DCAF6: variants seen among roughly 807,000 people sequenced by gnomAD.
DCAF6 encodes DDB1 and CUL4 associated factor 6.
In DCAF6, 54 loss-of-function variants were observed where a neutral mutation model predicts 125.1. The observed-to-expected ratio is 0.43, with a 90% CI of 0.35 to 0.54. The LOEUF (loss-of-function observed/expected upper bound fraction) is 0.54, where lower values mean the gene tolerates loss of function less well. DCAF6 is among the 20% of genes least tolerant of loss of function. DCAF6 has a pLI of 0.01. For missense variants in DCAF6, 934 were observed against 1,161.7 expected (o/e 0.80, Z 2.85); for synonymous variants, 371 against 390.4 (o/e 0.95, Z 0.58).
At chr1:167,897,031 T>C in the DCAF6 span, among the ~76,000 whole-genome samples, 8 of 152,196 alleles carry the variant, frequency 5.3e-5, no homozygotes, top group African/African-American at 1.9e-4. Flanking sequence ...CTGCACACCA[T>C]TTCTTCCTTA....
the DCAF6 span, among the ~76,000 whole-genome samples, chr1:167,929,298 G>A: frequency 6.6e-6 from 1 of 152,096 alleles, no homozygotes; most frequent in Non-Finnish European, 1.5e-5. Flanking sequence ...GGCAGAGGTT[G>A]CAGTGAGCCG....
chr1:167,966,791 G>A, intron 3 of DCAF6, 70 bp downstream of exon 3: 1 of 952,420 alleles, frequency 1.0e-6, no homozygotes, highest in Admixed American at 2.1e-5. Flanking sequence ...TGAAGAAACT[G>A]TGAACAGTCA....
chr1:167,976,092 A>G (rs1044906671), intron 4 of DCAF6, among the ~76,000 whole-genome samples: 6 of 152,132 alleles, frequency 3.9e-5, no homozygotes, highest in African/African-American at 1.2e-4. Flanking sequence ...GTTCTGATAT[A>G]TTTGGATTTG....
chr1:167,933,531 C>T (rs929520063), upstream of DCAF6, among the ~76,000 whole-genome samples: 5 of 152,168 alleles, frequency 3.3e-5, no homozygotes, highest in Admixed American at 3.3e-4. Context: ...TCTCAAAAAT[C>T]TAGAATCAGC....
the DCAF6 span, among the ~76,000 whole-genome samples, chr1:167,895,298 G>A: frequency 1.3e-5 from 2 of 152,062 alleles, no homozygotes; most frequent in Admixed American, 1.3e-4. Context: ...TAAAGCTCAA[G>A]GAGTGGGTAA....
the DCAF6 span, among the ~76,000 whole-genome samples, chr1:167,888,764 T>A: frequency 6.7e-6 from 1 of 149,514 alleles, no homozygotes; most frequent in African/African-American, 2.5e-5. Context: ...TGGTCCCAGC[T>A]ACTCAGGAGG....
At chr1:168,015,244 T>G (rs1386997012) in intron 10 of DCAF6, among the ~76,000 whole-genome samples, 1 of 152,216 alleles carries the variant, frequency 6.6e-6, no homozygotes, top group Non-Finnish European at 1.5e-5. Context: ...CTTAAAAAAT[T>G]TTTTAAAATG....
At chr1:167,949,726 G>A (rs1673633897) in intron 1 of DCAF6, among the ~76,000 whole-genome samples, 1 of 152,136 alleles carries the variant, frequency 6.6e-6, no homozygotes, top group Non-Finnish European at 1.5e-5. Context: ...AGTCCAATTG[G>A]TTACCTTGCA....
At chr1:167,883,579 G>A in the DCAF6 span, 15 of 1,614,072 alleles carry the variant, frequency 9.3e-6, no homozygotes, top group South Asian at 2.2e-5. Flanking sequence ...AAACACAATC[G>A]TCACTGGGCG....
chr1:167,943,445 G>A (rs1419577180), intron 1 of DCAF6, among the ~76,000 whole-genome samples: 1 of 152,066 alleles, frequency 6.6e-6, no homozygotes, highest in Non-Finnish European at 1.5e-5. Flanking sequence ...GCAGTGATTT[G>A]TATTTTTTGG....
the DCAF6 span, among the ~76,000 whole-genome samples, chr1:167,928,539 G>A: frequency 6.6e-6 from 1 of 152,042 alleles, no homozygotes; most frequent in Non-Finnish European, 1.5e-5. Flanking sequence ...CAGTGGATAT[G>A]GTAGCGAAAA....
chr1:167,947,660 T>C (rs896336705), intron 1 of DCAF6, among the ~76,000 whole-genome samples: 1 of 152,172 alleles, frequency 6.6e-6, no homozygotes, highest in African/African-American at 2.4e-5. Flanking sequence ...TTAATTGTTG[T>C]GTATTTGTAA....
chr1:167,875,278 C>A, the DCAF6 span: 1 of 1,303,682 alleles, frequency 7.7e-7, no homozygotes, highest in Non-Finnish European at 1.1e-6. Flanking sequence ...AGAAAGTTTC[C>A]TTCTCAATTG....
intron 17 of DCAF6, chr1:168,056,113 C>G (rs1301557401): frequency 6.3e-7 from 1 of 1,593,798 alleles, no homozygotes; most frequent in Non-Finnish European, 8.6e-7. Flanking sequence ...TTCACACTTT[C>G]CAAAGCACCA....
chr1:167,944,645 G>A (rs1208764897), intron 1 of DCAF6, among the ~76,000 whole-genome samples: 1 of 152,100 alleles, frequency 6.6e-6, no homozygotes, highest in Non-Finnish European at 1.5e-5. Context: ...TTTTTAATAG[G>A]ATTGTTAGAT....
intron 4 of DCAF6, among the ~76,000 whole-genome samples, chr1:167,981,470 C>G (rs778589122): frequency 6.6e-6 from 1 of 152,050 alleles, no homozygotes; most frequent in Non-Finnish European, 1.5e-5. Flanking sequence ...ACAAATGATC[C>G]TGTTACCCAG....
intron 5 of DCAF6, among the ~76,000 whole-genome samples, chr1:167,989,067 G>A (rs1335868464): frequency 5.3e-5 from 8 of 151,688 alleles, no homozygotes; most frequent in African/African-American, 1.2e-4. Flanking sequence ...GTGACACTGC[G>A]AGACTCCATC....
chr1:168,045,005 C>T lies in DCAF6; in HGVS notation c.2036C>T (p.Ser679Phe), dbSNP rs1558022754. Residue 679 changes from serine (S) to phenylalanine (F), a missense_variant, in exon 16 of 22, where the codon TCT becomes TTT. Coordinates refer to ENST00000367840, the MANE Select transcript of DCAF6 (RefSeq NM_001198956.2). ...SCGVPEESAS[S>F]EKAKEPETSD... is the part of the protein sequence containing the mutation. ...GGGGTTCCAGAAGAATCTGCTTCATCTGAAAAAGCCAAGGAACCAGAAACT... is the reference window on the plus strand; with the variant it reads ...GGGGTTCCAGAAGAATCTGCTTCATTTGAAAAAGCCAAGGAACCAGAAACT... 6.2e-7 allele frequency: 1 copy of T among 1,614,060 alleles called. No individual in the cohort carries two copies. The highest frequency in any genetic ancestry group is 8.5e-7 in the Non-Finnish European group (1 of 1,179,954).
At chr1:167,984,665 A>G in intron 4 of DCAF6, among the ~76,000 whole-genome samples, 1 of 152,222 alleles carries the variant, frequency 6.6e-6, no homozygotes. Context: ...TTTCACAAAT[A>G]TGAAATGAGT....
Sources: gnomAD v4.1 joint callset for allele counts (sites outside exome capture counted in the v4.1 genomes callset) on GRCh38, gnomAD v4.1.1 for gene constraint, MANE v1.5 for transcripts, NCBI Gene and HGNC (gene_info 2026-07-23, HGNC 2026-07-21) for gene names.